MEF2D: variants seen among roughly 807,000 people sequenced by gnomAD.
MEF2D encodes the protein myocyte enhancer factor 2D.
In MEF2D, 10 loss-of-function variants were observed where a neutral mutation model predicts 59.3. That is an observed-to-expected ratio of 0.17 (90% CI 0.10 to 0.29). The LOEUF is 0.29. Among genes scored for constraint, MEF2D ranks in the 10% least tolerant of loss-of-function variants. MEF2D has a pLI of 1.00. For missense variants in MEF2D, 508 were observed against 699.4 expected (o/e 0.73, Z 3.09); for synonymous variants, 305 against 295.0 (o/e 1.03, Z -0.35).
intron 1 of MEF2D, among the ~76,000 whole-genome samples, chr1:156,487,644 T>C (rs1336799013): frequency 1.3e-5 from 2 of 152,218 alleles, no homozygotes; most frequent in African/African-American, 2.4e-5. Context: ...TATCCAAGGT[T>C]TGGAGGCCTA....
At chr1:156,469,533 C>T (rs1671087053) in intron 9 of MEF2D, among the ~76,000 whole-genome samples, 1 of 150,234 alleles carries the variant, frequency 6.7e-6, no homozygotes, top group Admixed American at 6.7e-5. Context: ...GCTGGGATTA[C>T]AGGCATGAGC....
At chr1:156,482,354 G>T in intron 3 of MEF2D, 83 bp downstream of exon 3, 1 of 1,444,568 alleles carries the variant, frequency 6.9e-7, no homozygotes, top group South Asian at 1.2e-5. Context: ...GCATAGGCAG[G>T]TCTGCGTGTA....
intron 3 of MEF2D, among the ~76,000 whole-genome samples, chr1:156,481,964 G>A (rs951692874): frequency 6.6e-6 from 1 of 152,232 alleles, no homozygotes; most frequent in African/African-American, 2.4e-5. Flanking sequence ...AGTTCACAAT[G>A]TTGGCTCTCT....
chr1:156,490,426 TC>T (rs895092368), intron 1 of MEF2D: 2 of 152,340 alleles, frequency 1.3e-5, no homozygotes, highest in African/African-American at 4.8e-5. Flanking sequence ...TTTCCCTCCC[TC>T]GGGGACTCCC....
chr1:156,480,055 C>G (rs1201525890), intron 4 of MEF2D, among the ~76,000 whole-genome samples: 1 of 152,164 alleles, frequency 6.6e-6, no homozygotes, highest in Non-Finnish European at 1.5e-5. Context: ...CTGCTCACTG[C>G]AGACAGGACC....
Position 156,468,932 on chromosome 1 carries a change from T to C in MEF2D, c.1095A>G (p.Gln365=), listed in dbSNP as rs750624806. 97 of 1,613,544 alleles carry C rather than the reference T, an allele frequency of 6.0e-5. No individual in the cohort carries two copies. The highest frequency in any genetic ancestry group is 7.9e-5 in the Non-Finnish European group (93 of 1,179,854). ...GLSLGNVTAW[Q]QPQQPQQPQQ... ...GCGGCTGCTGGGGCTGCTGTGGCTGTTGCCAGGCAGTGACATTGCCTAGCG... is the reference window on the plus strand; with the variant it reads ...GCGGCTGCTGGGGCTGCTGTGGCTGCTGCCAGGCAGTGACATTGCCTAGCG... Residue 365 remains glutamine (Q), a synonymous_variant, in exon 10 of 12, where the codon CAA becomes CAG. Coordinates refer to ENST00000348159, the MANE Select transcript of MEF2D (RefSeq NM_005920.4). This position sits in a 1 kb window ranked among gnomAD's most constrained non-coding sequence, Gnocchi z 4.3.
At chr1:156,498,460 C>T (rs1673271880) in intron 1 of MEF2D, among the ~76,000 whole-genome samples, 1 of 152,156 alleles carries the variant, frequency 6.6e-6, no homozygotes, top group Non-Finnish European at 1.5e-5. Context: ...TTCCCAGAAT[C>T]CCTCCCTACT....
intron 1 of MEF2D, among the ~76,000 whole-genome samples, chr1:156,496,987 T>C (rs1404811885): frequency 6.6e-6 from 1 of 152,214 alleles, no homozygotes; most frequent in East Asian, 1.9e-4. Flanking sequence ...AGGCCTTTCC[T>C]TTCGGGAGAG....
intron 3 of MEF2D, 64 bp downstream of exon 3, chr1:156,482,373 G>T (rs1018334278): frequency 2.6e-6 from 4 of 1,561,980 alleles, no homozygotes; most frequent in Admixed American, 1.7e-5. Context: ...TACATGCAAC[G>T]TGGGCACGTG....
intron 1 of MEF2D, among the ~76,000 whole-genome samples, chr1:156,488,064 T>C (rs1188801363): frequency 6.6e-6 from 1 of 152,238 alleles, no homozygotes; most frequent in Non-Finnish European, 1.5e-5. Context: ...ACAGTATCTA[T>C]GTCACCAAAA....
At chr1:156,475,316 TG>T in intron 8 of MEF2D, 79 bp from the exon 9 acceptor site, 2 of 1,474,588 alleles carry the variant, frequency 1.4e-6, no homozygotes, top group Non-Finnish European at 1.8e-6. Flanking sequence ...AAGGCCAAGG[TG>T]GGGTTCCTGA....
In MEF2D at chr1:156,482,400, C is replaced by A. The variant is rs368185292; in HGVS notation, c.258+37G>T. 19 of 1,608,802 alleles carry A rather than the reference C, an allele frequency of 1.2e-5. No homozygotes were observed. The Admixed American group carries it at 3.2e-4, about 27-fold the overall frequency. On this transcript the variant is annotated intron_variant, in intron 3 of 11. Coordinates refer to ENST00000348159, the MANE Select transcript of MEF2D (RefSeq NM_005920.4). ...GGGCACGTGTCCATGTGGATGCAGGCGGGGGTATATCCTGGTGCCTGTGTG... is the reference window on the plus strand; with the variant it reads ...GGGCACGTGTCCATGTGGATGCAGGAGGGGGTATATCCTGGTGCCTGTGTG...
chr1:156,470,874 G>C (rs569365798), intron 9 of MEF2D, among the ~76,000 whole-genome samples: 1 of 152,292 alleles, frequency 6.6e-6, no homozygotes, highest in East Asian at 1.9e-4. Flanking sequence ...TGAGGAACAG[G>C]CTCCAAGTCA....
intron 6 of MEF2D, 30 bp downstream of exon 6, chr1:156,479,260 A>C (rs1226555290): frequency 1.3e-6 from 2 of 1,585,458 alleles, no homozygotes; most frequent in African/African-American, 2.7e-5. Context: ...ACCCCTCCCC[A>C]CCTCCAGGTA....
chr1:156,479,752 G>A lies in MEF2D; in HGVS notation c.441C>T (p.Pro147=), dbSNP rs1296316097. The change falls in exon 5 of 12, where the codon CCC becomes CCT. Residue 147 remains proline (P), a synonymous_variant. Coordinates refer to ENST00000348159, the MANE Select transcript of MEF2D (RefSeq NM_005920.4). ...ACTGCAGTGAGCTCTGATTGGACACGGGCACCGTGACAGGCATGGCAAAGT... is the reference window on the plus strand; with the variant it reads ...ACTGCAGTGAGCTCTGATTGGACACAGGCACCGTGACAGGCATGGCAAAGT... The part of the protein sequence containing the change: ...APNFAMPVTV[P]VSNQSSLQFS... 21 of 1,551,590 alleles carry A rather than the reference G, an allele frequency of 1.4e-5. No individual in the cohort carries two copies. The highest frequency in any genetic ancestry group is 4.1e-5 in the African/African-American group (3 of 73,042).
rs1164022177 is a variant in MEF2D at position 156,479,351 on chromosome 1, A to G, written c.608-5T>C. ...GGTCACCCCCCAGCATGGCCCCTGGAGGAAAAACAGAACCAGGATGAGCTG... is the reference window on the plus strand; with the variant it reads ...GGTCACCCCCCAGCATGGCCCCTGGGGGAAAAACAGAACCAGGATGAGCTG... On this transcript the variant is annotated splice_region_variant and splice_polypyrimidine_tract_variant and intron_variant, in intron 5 of 11. Coordinates refer to ENST00000348159, the MANE Select transcript of MEF2D (RefSeq NM_005920.4). 1.2e-6 allele frequency: 2 copies of G among 1,611,998 alleles called. No homozygotes were observed. The highest frequency in any genetic ancestry group is 8.5e-7 in the Non-Finnish European group (1 of 1,179,224).
intron 9 of MEF2D, among the ~76,000 whole-genome samples, chr1:156,472,139 A>G (rs1260171489): frequency 1.3e-5 from 2 of 152,242 alleles, no homozygotes; most frequent in Non-Finnish European, 2.9e-5. Context: ...CAGCTCCAGA[A>G]AAGTGGTCTA....
Position 156,476,489 on chromosome 1 carries a change from C to T in MEF2D, c.876+5G>A. The T allele has an allele frequency of 6.2e-7, 1 of 1,611,964 alleles. No individual in the cohort carries two copies. Among genetic ancestry groups the T allele is most frequent in the East Asian group, 2.2e-5 (1 of 44,864 alleles). On this transcript the variant is annotated splice_donor_5th_base_variant and intron_variant, in intron 8 of 11. Transcript: ENST00000348159. ...CCACAGCAAAGAGCTCACAGCCTCA[C>T]TTACCAGATCTAAATGGTCCTCAGT...
Position 156,477,073 on chromosome 1 carries a change from C to A in MEF2D, c.794G>T (p.Ser265Ile), listed in dbSNP as rs1235257855. ...PTHSTQLGAP[S>I]RKPDLRVITS... ...GATGACTCGCAGGTCGGGCTTGCGG[C>A]TGGGGGCTCCAAGCTGGGTGCTGTG... is the stretch of plus-strand genomic sequence containing the variant. Residue 265 changes from serine (S) to isoleucine (I), a missense_variant, in exon 7 of 12, where the codon AGC (serine) becomes ATC (isoleucine). By Grantham distance (142) the Ser-to-Ile change is moderately radical. Transcript: ENST00000348159. 6.8e-6 allele frequency: 11 copies of A among 1,613,918 alleles called. No homozygotes were observed. Among genetic ancestry groups the A allele is most frequent in the Non-Finnish European group, 9.3e-6 (11 of 1,179,872 alleles).
Sources: allele counts gnomAD v4.1 joint callset (sites outside exome capture counted in the v4.1 genomes callset), GRCh38; gene constraint gnomAD v4.1.1; non-coding constraint Gnocchi (gnomAD v3.1); transcripts MANE v1.5; gene names NCBI Gene and HGNC (gene_info 2026-07-23, HGNC 2026-07-21).